The following DAB1 variants were observed in gnomAD, a reference collection of about 807,000 sequenced individuals.
The protein encoded by DAB1 is disabled homolog 1.
A neutral mutation model predicts 64.6 loss-of-function variants in DAB1; 15 were observed. That is an observed-to-expected ratio of 0.23 (90% CI 0.16 to 0.36). DAB1 has a LOEUF of 0.36. Among genes scored for constraint, DAB1 ranks in the 10% least tolerant of loss-of-function variants. The probability of loss-of-function intolerance (pLI) is 1.00; values close to 1 mark genes in which losing one functional copy is unlikely to be tolerated. For missense variants in DAB1, 596 were observed against 706.7 expected, an observed-to-expected ratio of 0.84 and a Z score of 1.78; for synonymous variants, 235 against 251.9, an observed-to-expected ratio of 0.93 and a Z score of 0.64.
At chr1:56,998,250 A>C (rs945518815) in intron 14 of DAB1, 122 bp from the exon 15 acceptor site, 1 of 152,638 alleles carries the variant, frequency 6.6e-6, no homozygotes, top group Non-Finnish European at 1.5e-5. Context: ...GGATGACCTT[A>C]GGTTATTTTT....
chr1:57,259,548 C>T (rs185515031), intron 2 of DAB1, among the ~76,000 whole-genome samples: 2 of 152,170 alleles, frequency 1.3e-5, no homozygotes, highest in East Asian at 1.9e-4. Flanking sequence ...TGAGGGGCAG[C>T]GCAGGTTCCA....
intron 7 of DAB1, among the ~76,000 whole-genome samples, chr1:57,511,918 C>G: frequency 6.6e-6 from 1 of 152,192 alleles, no homozygotes. Flanking sequence ...GTTCCCACCT[C>G]TATCACAACA....
chr1:57,862,519 G>C (rs1654097753), intron 1 of DAB1: 1 of 152,136 alleles, frequency 6.6e-6, no homozygotes, highest in Non-Finnish European at 1.5e-5. Flanking sequence ...AAATTGAAAA[G>C]GCAAGGCACA....
chr1:57,421,899 T>TGGCGG (rs1277340949), intron 1 of DAB1, among the ~76,000 whole-genome samples: 5 of 3,514 alleles, frequency 1.4e-3, no homozygotes, highest in Non-Finnish European at 2.5e-3. Context: ...AGATGGGGGG[T>TGGCGG]GGCGGGGGGG....
At chr1:58,225,629 G>T (rs1320331363) in intron 4 of DAB1, among the ~76,000 whole-genome samples, 2 of 142,686 alleles carry the variant, frequency 1.4e-5, no homozygotes, top group African/African-American at 2.5e-5. Flanking sequence ...ATACTATGCA[G>T]CCATAAAAAA....
chr1:57,411,421 C>A (rs1684102062), intron 1 of DAB1, among the ~76,000 whole-genome samples: 1 of 152,230 alleles, frequency 6.6e-6, no homozygotes, highest in Admixed American at 6.5e-5. Flanking sequence ...CAAGCTAGAA[C>A]TGGGCTACCA....
chr1:57,907,920 T>A lies in DAB1; in HGVS notation n.388-23758A>T, dbSNP rs537217243. On this transcript the variant is annotated intron_variant and non_coding_transcript_variant, in intron 5 of 20. Transcript: ENST00000485760. Reference sequence around the variant, plus strand: ...CATTGTTATATATATATAATATATATATACACACACACACACACACACACA... The same window carrying A: ...CATTGTTATATATATATAATATATAAATACACACACACACACACACACACA... 3.1e-5 allele frequency among the ~76,000 whole-genome samples: 4 copies of A among 129,548 alleles called. No homozygotes were observed. The Admixed American group carries it at 3.2e-4, about 10-fold the overall frequency. 85.0% of individuals were successfully genotyped at this position (129,548 alleles called of 152,430 possible).
intron 4 of DAB1, among the ~76,000 whole-genome samples, chr1:58,332,074 G>C (rs1392751073): frequency 1.3e-5 from 2 of 152,066 alleles, no homozygotes; most frequent in Non-Finnish European, 2.9e-5. Flanking sequence ...CATATTGACT[G>C]ACTCCTGCAT....
At chr1:57,289,059 A>C (rs755763007) in intron 2 of DAB1, among the ~76,000 whole-genome samples, 4 of 152,184 alleles carry the variant, frequency 2.6e-5, no homozygotes, top group Non-Finnish European at 4.4e-5. Flanking sequence ...GATATTAGCC[A>C]GTCCATGGAG....
chr1:58,058,443 G>A (rs2806404), intron 5 of DAB1, among the ~76,000 whole-genome samples: 4 of 151,874 alleles, frequency 2.6e-5, no homozygotes, highest in African/African-American at 9.7e-5. Flanking sequence ...TACGCCATTC[G>A]CTCCCACTAT....
chr1:58,213,413 G>A (rs574223328), intron 4 of DAB1, among the ~76,000 whole-genome samples: 1 of 152,300 alleles, frequency 6.6e-6, no homozygotes, highest in South Asian at 2.1e-4. Flanking sequence ...TCACAGTTCA[G>A]CATGGCTGAG....
chr1:58,349,372 G>A (rs540125751), intron 3 of DAB1, among the ~76,000 whole-genome samples: 24 of 152,238 alleles, frequency 1.6e-4, no homozygotes, highest in African/African-American at 5.3e-4. Flanking sequence ...ATTATTGCTG[G>A]TAGCTATTTG....
intron 4 of DAB1, among the ~76,000 whole-genome samples, chr1:58,188,440 A>T (rs990640167): frequency 2.6e-5 from 4 of 152,158 alleles, no homozygotes; most frequent in African/African-American, 9.7e-5. Flanking sequence ...AAGAGAAGTG[A>T]CTGGGTATTC....
At chr1:57,273,762 C>T (rs1027673494) in intron 2 of DAB1, among the ~76,000 whole-genome samples, 2 of 151,892 alleles carry the variant, frequency 1.3e-5, no homozygotes, top group African/African-American at 4.8e-5. Flanking sequence ...CTCCCCTGTC[C>T]TCACCTCCTA....
At chr1:58,295,637 G>A (rs1295067676) in intron 4 of DAB1, among the ~76,000 whole-genome samples, 15 of 152,154 alleles carry the variant, frequency 9.9e-5, no homozygotes, top group African/African-American at 4.8e-5. Context: ...AAGAGTAGAT[G>A]AGAGATTTTT....
chr1:57,905,339 G>A (rs887464770), intron 5 of DAB1, among the ~76,000 whole-genome samples: 2 of 152,018 alleles, frequency 1.3e-5, no homozygotes, highest in Non-Finnish European at 2.9e-5. Context: ...CAGTTGAGGT[G>A]AGGAAGGTTG....
chr1:57,556,271 T>A (rs897693055), intron 7 of DAB1, among the ~76,000 whole-genome samples: 1 of 152,180 alleles, frequency 6.6e-6, no homozygotes, highest in South Asian at 2.1e-4. Context: ...TATAATGACT[T>A]ATTTTCCTCT....
In DAB1 at chr1:58,519,752, T is replaced by C. The variant is rs138202122; in HGVS notation, n.107+7509A>G. Among the ~76,000 whole-genome samples the C allele has an allele frequency of 3.9e-5, 6 of 152,048 alleles. No individual in the cohort carries two copies. The East Asian group carries it at 1.2e-3, about 29-fold the overall frequency. Reference sequence around the variant, plus strand: ...TAAGAAACATGAATTTTTAAAAAAATATATGATTAACATATTCAAGAAAAT... The same window carrying C: ...TAAGAAACATGAATTTTTAAAAAAACATATGATTAACATATTCAAGAAAAT... On this transcript the variant is annotated intron_variant and non_coding_transcript_variant, in intron 2 of 20. Transcript: ENST00000485760.
intron 7 of DAB1, among the ~76,000 whole-genome samples, chr1:57,537,117 C>T (rs778201482): frequency 5.9e-5 from 9 of 152,172 alleles, no homozygotes; most frequent in Admixed American, 3.9e-4. Context: ...AGATAAAATA[C>T]GTCATTCAAA....
Sources: gnomAD v4.1 joint callset for allele counts (sites outside exome capture counted in the v4.1 genomes callset) on GRCh38, gnomAD v4.1.1 for gene constraint, MANE v1.5 for transcripts, NCBI Gene and HGNC (gene_info 2026-07-23, HGNC 2026-07-21) for gene names.